The following TMED3 variants were observed in gnomAD, a reference collection of about 807,000 sequenced individuals.
TMED3 encodes transmembrane p24 trafficking protein 3.
TMED3 carries 9 observed loss-of-function variants against 15.0 expected under a neutral mutation model. The ratio of observed to expected loss-of-function variants is 0.60; its 90% CI spans 0.36 to 1.04. The LOEUF is 1.04. TMED3 is among the 50% of genes least tolerant of loss of function. The pLI is 0.01. For synonymous variants in TMED3, 117 were observed against 121.4 expected, an observed-to-expected ratio of 0.96 and a Z score of 0.24; for missense variants, 267 against 278.9, an observed-to-expected ratio of 0.96 and a Z score of 0.30.
At chr15:79,349,956 TTC>T (rs2058885681) in intron 2 of TMED3, among the ~76,000 whole-genome samples, 2 of 152,244 alleles carry the variant, frequency 1.3e-5, no homozygotes, top group African/African-American at 2.4e-5. Flanking sequence ...TCCATTTTAA[TTC>T]TCTGTTTTAC....
At chr15:79,356,465 C>G (rs1414838937) in intron 2 of TMED3, among the ~76,000 whole-genome samples, 1 of 152,176 alleles carries the variant, frequency 6.6e-6, no homozygotes, top group Non-Finnish European at 1.5e-5. Flanking sequence ...AGACACTGTC[C>G]TAGGACCTGG....
downstream of TMED3, among the ~76,000 whole-genome samples, chr15:79,326,870 T>C (rs931642839): frequency 7.9e-5 from 12 of 152,244 alleles, no homozygotes; most frequent in Admixed American, 2.6e-4. Context: ...GAGTAACTTA[T>C]AAAGAAAAAA....
intron 2 of TMED3, among the ~76,000 whole-genome samples, chr15:79,389,877 C>T (rs1444708807): frequency 1.3e-5 from 2 of 152,004 alleles, no homozygotes; most frequent in African/African-American, 2.4e-5. Flanking sequence ...GTTCTTGATT[C>T]GATTCTCCAC....
chr15:79,326,591 A>T (rs1005980147), downstream of TMED3, among the ~76,000 whole-genome samples: 1 of 152,184 alleles, frequency 6.6e-6, no homozygotes, highest in Non-Finnish European at 1.5e-5. Context: ...ACTCTCCTCA[A>T]CTTAAAATAG....
intron 2 of TMED3, among the ~76,000 whole-genome samples, chr15:79,400,379 C>T (rs1893817950): frequency 6.6e-6 from 1 of 152,170 alleles, no homozygotes; most frequent in African/African-American, 2.4e-5. Context: ...TATCTCTTGT[C>T]CATCTCCCTT....
intron 2 of TMED3, among the ~76,000 whole-genome samples, chr15:79,353,247 TATATATA>T (rs1567030507): frequency 4.7e-3 from 189 of 39,880 alleles, no homozygotes; most frequent in African/African-American, 0.012. Context: ...ATATATATAC[TATATATA>T]ATATATATTA....
chr15:79,366,864 C>G (rs1306958590), intron 2 of TMED3, among the ~76,000 whole-genome samples: 1 of 151,958 alleles, frequency 6.6e-6, no homozygotes, highest in Non-Finnish European at 1.5e-5. Context: ...TCCAGCAGCC[C>G]TTTGTGTATT....
At chr15:79,373,756 A>C (rs548940200) in intron 2 of TMED3, among the ~76,000 whole-genome samples, 1 of 152,206 alleles carries the variant, frequency 6.6e-6, no homozygotes, top group Non-Finnish European at 1.5e-5. Flanking sequence ...TATACAGGGG[A>C]AACATAATAC....
chr15:79,359,230 GT>G (rs5813967), intron 2 of TMED3, among the ~76,000 whole-genome samples: 28,259 of 121,440 alleles, frequency 0.23, 2,623 homozygotes, highest in Middle Eastern at 0.37. Context: ...AGAAGGCTCA[GT>G]TTTTTTTTTT....
chr15:79,376,862 C>T (rs1893434258), intron 2 of TMED3, among the ~76,000 whole-genome samples: 1 of 152,126 alleles, frequency 6.6e-6, no homozygotes, highest in Non-Finnish European at 1.5e-5. Flanking sequence ...GTAGTTTTTG[C>T]AGACCTCCAA....
intron 2 of TMED3, among the ~76,000 whole-genome samples, chr15:79,377,975 T>C (rs1893460947): frequency 1.3e-5 from 2 of 152,246 alleles, no homozygotes; most frequent in African/African-American, 2.4e-5. Flanking sequence ...GTTAAAAAGT[T>C]TTATATCATC....
intron 2 of TMED3, among the ~76,000 whole-genome samples, chr15:79,367,771 C>T (rs1893264260): frequency 6.6e-6 from 1 of 152,136 alleles, no homozygotes; most frequent in Non-Finnish European, 1.5e-5. Flanking sequence ...TAAATCAATA[C>T]GTGGAAATTG....
chr15:79,342,646 G>A (rs2058855703), intron 2 of TMED3, among the ~76,000 whole-genome samples: 1 of 152,180 alleles, frequency 6.6e-6, no homozygotes, highest in South Asian at 2.1e-4. Context: ...CATATACACT[G>A]TATAAACAAA....
intron 2 of TMED3, among the ~76,000 whole-genome samples, chr15:79,393,967 G>T (rs907271284): frequency 6.7e-6 from 1 of 150,366 alleles, no homozygotes; most frequent in African/African-American, 2.4e-5. Flanking sequence ...CAAATGTTGG[G>T]ATTACATGCA....
intron 2 of TMED3, among the ~76,000 whole-genome samples, chr15:79,370,407 T>C (rs1280672072): frequency 6.6e-6 from 1 of 151,884 alleles, no homozygotes; most frequent in Non-Finnish European, 1.5e-5. Flanking sequence ...TGGCATCCCA[T>C]AGATTGGGGC....
At chr15:79,361,018 G>T (rs1232256495) in intron 2 of TMED3, among the ~76,000 whole-genome samples, 1 of 150,850 alleles carries the variant, frequency 6.6e-6, no homozygotes, top group Non-Finnish European at 1.5e-5. Flanking sequence ...CTGGCTAATT[G>T]TGTTTTATTT....
intron 2 of TMED3, among the ~76,000 whole-genome samples, chr15:79,341,379 G>A (rs968656263): frequency 2.0e-5 from 3 of 152,014 alleles, no homozygotes; most frequent in African/African-American, 7.2e-5. Flanking sequence ...ATAGGTATAT[G>A]TAAAGATGGA....
downstream of TMED3, among the ~76,000 whole-genome samples, chr15:79,323,486 TG>T (rs1179846245): frequency 6.6e-6 from 1 of 152,240 alleles, no homozygotes; most frequent in African/African-American, 2.4e-5. Flanking sequence ...AATTAAGTAC[TG>T]GGTATATATA....
chr15:79,409,092 AC>A (rs1893937908), intron 2 of TMED3, among the ~76,000 whole-genome samples: 1 of 152,182 alleles, frequency 6.6e-6, no homozygotes, highest in African/African-American at 2.4e-5. Context: ...GAAGCCTATA[AC>A]CTGCATTACT....
Sources: gnomAD v4.1 joint callset for allele counts (sites outside exome capture counted in the v4.1 genomes callset) on GRCh38, gnomAD v4.1.1 for gene constraint, MANE v1.5 for transcripts, NCBI Gene and HGNC (gene_info 2026-07-23, HGNC 2026-07-21) for gene names.